Variants in RBL2 observed in about 807,000 individuals in gnomAD.
RBL2 encodes the protein retinoblastoma-like protein 2.
RBL2 carries 56 observed loss-of-function variants against 126.0 expected under a neutral mutation model. That is an observed-to-expected ratio of 0.44 (90% CI 0.36 to 0.56). The LOEUF (loss-of-function observed/expected upper bound fraction) is 0.56, where lower values mean the gene tolerates loss of function less well. RBL2 is among the 20% of genes least tolerant of loss of function. RBL2 has a pLI of 0.00. For missense variants in RBL2, 1,229 were observed against 1,398.2 expected (o/e 0.88, Z 1.93); for synonymous variants, 454 against 478.5 (o/e 0.95, Z 0.67).
At chr16:53,488,237 G>GAT (rs1961252555) in intron 21 of RBL2, 1 of 152,292 alleles carries the variant, frequency 6.6e-6, no homozygotes, top group South Asian at 2.1e-4. Flanking sequence ...AAAAGGAACT[G>GAT]ATATATTCAA....
At chr16:53,465,309 C>CAGT in intron 12 of RBL2, 129 bp from the exon 13 acceptor site, 1 of 573,726 alleles carries the variant, frequency 1.7e-6, no homozygotes, top group Non-Finnish European at 2.7e-6. Context: ...TAATTATTTA[C>CAGT]AAAGACAGTA....
At chr16:53,480,253 TC>T in intron 19 of RBL2, 14 of 528,588 alleles carry the variant, frequency 2.6e-5, no homozygotes, top group Non-Finnish European at 4.3e-5. Flanking sequence ...GTCTGATATG[TC>T]AATTGGAACC....
At chr16:53,467,476 C>T (rs765869001) in intron 14 of RBL2, among the ~76,000 whole-genome samples, 6 of 152,208 alleles carry the variant, frequency 3.9e-5, no homozygotes, top group Non-Finnish European at 7.3e-5. Context: ...CAACCTCTGC[C>T]TGCCGGGTTC....
chr16:53,475,412 C>T (rs1960689031), intron 17 of RBL2, among the ~76,000 whole-genome samples: 1 of 152,056 alleles, frequency 6.6e-6, no homozygotes, highest in African/African-American at 2.4e-5. Flanking sequence ...GATGGAATTT[C>T]CCCATGTTGC....
At position 53,439,017 on chromosome 16, in the gene RBL2, G is replaced by T. The variant is rs1302817733; in HGVS notation, c.242G>T (p.Gly81Val). 1 of 1,565,482 alleles carries T rather than the reference G, an allele frequency of 6.4e-7. No homozygotes were observed. Among genetic ancestry groups the T allele is most frequent in the Non-Finnish European group, 8.6e-7 (1 of 1,159,424 alleles). Residue 81 changes from glycine (G) to valine (V), a missense_variant and splice_region_variant, in exon 2 of 22, where the codon GGA (glycine) becomes GTA (valine). Gly to Val is a moderately radical substitution (Grantham distance 109). This residue lies in a region of RBL2 where 159 missense variants were observed against 123.9 expected (regional missense o/e 1.28). Coordinates refer to ENST00000262133, the MANE Select transcript of RBL2 (RefSeq NM_005611.4). ...AATCAATTTTCTTTTCTTTTACAGG[G>T]AAATGATCTTCATTGGTTAGCATGT... The part of the protein sequence containing the change: ...RSMSESYTLE[G>V]NDLHWLACAL...
rs1259872248 is a variant in RBL2, at chr16:53,442,592, ATACT to A, written c.372-60_372-57del. 3.6e-5 allele frequency: 43 copies of A among 1,186,916 alleles called. No individual in the cohort carries two copies. The East Asian group carries it at 7.3e-4, about 20-fold the overall frequency. The allele number at this position is 1,186,916 out of a possible 1,614,324, so 73.5% of individuals were successfully genotyped here. A position where few individuals can be genotyped will look rare whatever the true frequency, so the allele number is the denominator to read the frequency against. ...TGCGATAATATTGATTTACTTTTGA[ATACT>A]TACTTTTGTATACTTTAGCCTTATG... On this transcript the variant is annotated intron_variant, in intron 2 of 21. Coordinates refer to ENST00000262133, the MANE Select transcript of RBL2 (RefSeq NM_005611.4).
At chr16:53,461,988 G>A (rs1567736183) in intron 10 of RBL2, 138 bp downstream of exon 10, 1 of 658,040 alleles carries the variant, frequency 1.5e-6, no homozygotes, top group Non-Finnish European at 2.5e-6. Context: ...AATTTTTCTG[G>A]TCAACCAACT....
At chr16:53,466,265 G>GT (rs1001425388) in intron 13 of RBL2, among the ~76,000 whole-genome samples, 1 of 152,060 alleles carries the variant, frequency 6.6e-6, no homozygotes, top group African/African-American at 2.4e-5. Context: ...TCCTTACCAA[G>GT]TTTCTTTCCC....
intron 11 of RBL2, among the ~76,000 whole-genome samples, chr16:53,463,754 A>T (rs2058246188): frequency 6.6e-6 from 1 of 150,912 alleles, no homozygotes; most frequent in Admixed American, 6.6e-5. Context: ...TTTAGTAGAG[A>T]TGGGGTTTCA....
chr16:53,486,267 C>T (rs1328502893), intron 21 of RBL2, among the ~76,000 whole-genome samples: 1 of 152,090 alleles, frequency 6.6e-6, no homozygotes, highest in Non-Finnish European at 1.5e-5. Context: ...CACCCCTGCA[C>T]TCCATCCTGG....
At position 53,454,641 on chromosome 16, in the gene RBL2, T is replaced by C; in HGVS notation, c.993-15T>C. 6.3e-7 allele frequency: 1 copy of C among 1,580,156 alleles called. No individual in the cohort carries two copies. Among genetic ancestry groups the C allele is most frequent in the Non-Finnish European group, 8.6e-7 (1 of 1,156,096 alleles). The stretch of plus-strand genomic sequence containing the variant: ...GTGAGAGAGTACATTTTGTCTGTAT[T>C]TGTTTTTCCTATAGTAAAGCCATCA... On this transcript the variant is annotated splice_polypyrimidine_tract_variant and intron_variant, in intron 7 of 21. Coordinates refer to ENST00000262133, the MANE Select transcript of RBL2 (RefSeq NM_005611.4).
chr16:53,434,941 G>C (rs2153136635), intron 1 of RBL2, 145 bp downstream of exon 1: 1 of 1,283,958 alleles, frequency 7.8e-7, no homozygotes, highest in African/African-American at 1.6e-5. Flanking sequence ...GCGCTATTCC[G>C]AGGCTCTTAG....
intron 2 of RBL2, among the ~76,000 whole-genome samples, chr16:53,440,437 G>T (rs1233471916): frequency 6.6e-6 from 1 of 151,692 alleles, no homozygotes; most frequent in Admixed American, 6.6e-5. Flanking sequence ...CTACTAACAG[G>T]GTTAATAAAA....
At chr16:53,448,160 AT>A in intron 4 of RBL2, among the ~76,000 whole-genome samples, 1 of 104,454 alleles carries the variant, frequency 9.6e-6, no homozygotes, top group South Asian at 3.3e-4. Context: ...AACTTACTTT[AT>A]TTTATTTTTT....
intron 8 of RBL2, among the ~76,000 whole-genome samples, chr16:53,457,723 T>G (rs1401274143): frequency 6.6e-6 from 1 of 152,236 alleles, no homozygotes; most frequent in Non-Finnish European, 1.5e-5. Context: ...ACTTAATATT[T>G]GCACCCAAGT....
rs113137339 is a variant in RBL2 at position 53,490,758 on chromosome 16, A to AT, written c.*464dup. ...CTAAAACACCTGGTAGGAGTGTGTGATTTTTTGCATTCCTGACAAAGGAGA... is the reference window on the plus strand; with the variant it reads ...CTAAAACACCTGGTAGGAGTGTGTGATTTTTTTGCATTCCTGACAAAGGAGA... On this transcript the variant is annotated 3_prime_UTR_variant, in exon 22 of 22. Transcript: ENST00000262133. 0.33 allele frequency: 50,802 copies of AT among 152,512 alleles called. 9,167 individuals are homozygous for AT. The highest frequency in any genetic ancestry group is 0.44 in the African/African-American group (18,390 of 41,390). The allele number at this position is 152,512 out of a possible 1,614,324, so 9.4% of individuals were successfully genotyped here.
At chr16:53,476,932 T>C (rs1459477173) in intron 17 of RBL2, among the ~76,000 whole-genome samples, 2 of 152,276 alleles carry the variant, frequency 1.3e-5, no homozygotes, top group Non-Finnish European at 2.9e-5. Flanking sequence ...ATGTATATAA[T>C]TGGATTTACA....
Position 53,465,547 on chromosome 16 carries a change from C to G in RBL2, c.1808C>G (p.Ser603Cys). The G allele has an allele frequency of 6.2e-7, 1 of 1,604,162 alleles. No homozygotes were observed. Among genetic ancestry groups the G allele is most frequent in the Non-Finnish European group, 8.5e-7 (1 of 1,176,028 alleles). ...ILDHLAWKPE[S>C]PLWEKIRDNE... ...GATCATTTGGCATGGAAACCAGAGT[C>G]TCCACTCTGGGAAAAAATTAGAGAC... is the stretch of plus-strand genomic sequence containing the variant. The change falls in exon 13 of 22, where the codon TCT becomes TGT. Residue 603 changes from serine to cysteine, a missense_variant. By Grantham distance (112) the Ser-to-Cys change is moderately radical. Around this residue, in one of 2 missense-constraint regions of RBL2, gnomAD observed 1,070 missense variants for 1,274.3 expected, o/e 0.84. Coordinates refer to ENST00000262133, the MANE Select transcript of RBL2 (RefSeq NM_005611.4).
chr16:53,463,409 C>T (rs1170885537), intron 11 of RBL2, among the ~76,000 whole-genome samples: 1 of 152,006 alleles, frequency 6.6e-6, no homozygotes, highest in African/African-American at 2.4e-5. Context: ...TCACTGCAAC[C>T]TCTGCCTCCC....
Sources: allele counts gnomAD v4.1 joint callset (sites outside exome capture counted in the v4.1 genomes callset), GRCh38; gene constraint gnomAD v4.1.1; regional missense constraint gnomAD v4.1.1; transcripts MANE v1.5; gene names NCBI Gene and HGNC (gene_info 2026-07-23, HGNC 2026-07-21).